The following LAMA4 variants were observed in gnomAD, a reference collection of about 807,000 sequenced individuals.
LAMA4 encodes the protein laminin subunit alpha 4, also known as laminin subunit alpha-4.
In LAMA4, 127 loss-of-function variants were observed where a neutral mutation model predicts 207.1. The observed-to-expected ratio is 0.61, with a 90% CI of 0.53 to 0.71. The LOEUF (loss-of-function observed/expected upper bound fraction) is 0.71, where lower values mean the gene tolerates loss of function less well. Ranked by LOEUF, LAMA4 falls within the 30% of genes least tolerant of loss-of-function variation. The pLI, the probability that LAMA4 is intolerant of heterozygous loss-of-function variation, is 0.00. For missense variants in LAMA4, 2,093 were observed against 2,246.5 expected (o/e 0.93, Z 1.38); for synonymous variants, 761 against 816.0 (o/e 0.93, Z 1.15).
At position 112,175,613 on chromosome 6, in the gene LAMA4, C is replaced by G. The variant is rs576469684; in HGVS notation, c.1190-133G>C. The G allele has an allele frequency of 1.7e-5, 15 of 867,594 alleles. No individual in the cohort carries two copies. The Admixed American group carries it at 2.3e-4, about 13-fold the overall frequency. The allele number at this position is 867,594 out of a possible 1,614,324, so 53.7% of individuals were successfully genotyped here. A position where few individuals can be genotyped will look rare whatever the true frequency, so the allele number is the denominator to read the frequency against. On this transcript the variant is annotated intron_variant, in intron 10 of 38. Transcript: ENST00000230538. ...GAAAGAGAGACTCATTCAAAAGCAGCGTGCTAGTGTTCATGCTGTGAATCC... is the reference window on the plus strand; with the variant it reads ...GAAAGAGAGACTCATTCAAAAGCAGGGTGCTAGTGTTCATGCTGTGAATCC...
intron 9 of LAMA4, among the ~76,000 whole-genome samples, chr6:112,182,134 A>G (rs1554345429): frequency 6.9e-6 from 1 of 144,922 alleles, no homozygotes; most frequent in Non-Finnish European, 1.5e-5. Flanking sequence ...ATAAATAAAT[A>G]TTATATACAG....
chr6:112,161,831 G>T (rs1300237320), intron 13 of LAMA4, among the ~76,000 whole-genome samples: 1 of 152,056 alleles, frequency 6.6e-6, no homozygotes, highest in Non-Finnish European at 1.5e-5. Flanking sequence ...AATAAGTATG[G>T]TATATTTGAA....
At chr6:112,186,977 G>T (rs1232442325) in intron 8 of LAMA4, 2 of 443,824 alleles carry the variant, frequency 4.5e-6, no homozygotes, top group Non-Finnish European at 4.5e-6. Flanking sequence ...GAGAGAGAAT[G>T]TGTGTAAATA....
intron 9 of LAMA4, among the ~76,000 whole-genome samples, chr6:112,181,388 G>A (rs1313064590): frequency 6.6e-6 from 1 of 152,166 alleles, no homozygotes; most frequent in African/African-American, 2.4e-5. Flanking sequence ...TCACGAGCGT[G>A]TTTGGGAAGG....
intron 18 of LAMA4, among the ~76,000 whole-genome samples, chr6:112,146,729 C>T (rs1780053445): frequency 6.6e-6 from 1 of 152,176 alleles, no homozygotes; most frequent in African/African-American, 2.4e-5. Context: ...CATCCCTTCT[C>T]TGTACTTAGG....
At chr6:112,181,207 C>T (rs1554345222) in intron 9 of LAMA4, among the ~76,000 whole-genome samples, 3 of 152,238 alleles carry the variant, frequency 2.0e-5, no homozygotes, top group Non-Finnish European at 4.4e-5. Context: ...CTGCTCTCTT[C>T]TCTAGACCAC....
At chr6:112,131,849 G>A (rs537696028) in intron 28 of LAMA4, among the ~76,000 whole-genome samples, 2 of 152,228 alleles carry the variant, frequency 1.3e-5, no homozygotes, top group South Asian at 4.1e-4. Flanking sequence ...CAGAAGTTAT[G>A]TGATGACCTG....
chr6:112,163,385 G>A lies in LAMA4; in HGVS notation c.1668+1775C>T, dbSNP rs1781190046. On this transcript the variant is annotated intron_variant, in intron 13 of 38. Coordinates refer to ENST00000230538, the MANE Select transcript of LAMA4 (RefSeq NM_001105206.3). ...AAAATAAGAGACAGTGGTTGTACGT[G>A]GCCTGCAGAGCCTAAAATATTGACC... Among the ~76,000 whole-genome samples the A allele has an allele frequency of 2.6e-5, 4 of 152,156 alleles. 1 individual carries two copies. The South Asian group carries it at 8.3e-4, about 32-fold the overall frequency.
chr6:112,231,114 A>G (rs781872639), intron 2 of LAMA4, among the ~76,000 whole-genome samples: 1 of 152,238 alleles, frequency 6.6e-6, no homozygotes, highest in Admixed American at 6.5e-5. Flanking sequence ...TTTCCCTGGA[A>G]TACCCGGGAT....
chr6:112,166,870 AT>A (rs1317574381), intron 12 of LAMA4, among the ~76,000 whole-genome samples: 4 of 152,240 alleles, frequency 2.6e-5, no homozygotes, highest in African/African-American at 7.2e-5. Context: ...ATGCAAAAAA[AT>A]AGAAAAAGTT....
intron 13 of LAMA4, chr6:112,161,963 G>C (rs2114812568): frequency 6.6e-6 from 1 of 152,348 alleles, no homozygotes; most frequent in Non-Finnish European, 1.5e-5. Context: ...AAATGAGCTT[G>C]TTTCTTACTT....
At chr6:112,178,999 C>A (rs1025877208) in intron 9 of LAMA4, 2 of 152,202 alleles carry the variant, frequency 1.3e-5, no homozygotes, top group Non-Finnish European at 2.9e-5. Context: ...AATTGAATTA[C>A]CACAGAGATT....
At chr6:112,186,118 C>A (rs1583829716) in intron 8 of LAMA4, among the ~76,000 whole-genome samples, 2 of 152,358 alleles carry the variant, frequency 1.3e-5, no homozygotes, top group East Asian at 1.9e-4. Flanking sequence ...ATTTGGCCAA[C>A]TGCTATGGAT....
At chr6:112,185,682 T>C (rs1270170780) in intron 8 of LAMA4, among the ~76,000 whole-genome samples, 2 of 152,230 alleles carry the variant, frequency 1.3e-5, no homozygotes, top group South Asian at 2.1e-4. Context: ...TTTAGAATTT[T>C]AATTTTGTTA....
intron 16 of LAMA4, chr6:112,154,648 TA>T: frequency 1.7e-6 from 1 of 583,364 alleles, no homozygotes; most frequent in Non-Finnish European, 3.0e-6. Context: ...TGTAGTTTAC[TA>T]CATAGCATTT....
intron 5 of LAMA4, among the ~76,000 whole-genome samples, chr6:112,193,694 G>A (rs1783250455): frequency 6.6e-6 from 1 of 152,132 alleles, no homozygotes; most frequent in African/African-American, 2.4e-5. Context: ...GGCCACACAG[G>A]CCTGGCATTC....
At chr6:112,134,634 C>T in intron 25 of LAMA4, 25 bp from the exon 26 acceptor site, 1 of 1,545,570 alleles carries the variant, frequency 6.5e-7, no homozygotes, top group Non-Finnish European at 8.9e-7. Context: ...ATATAGTAAG[C>T]CTTGATTAAC....
Position 112,115,988 on chromosome 6 carries a change from A to C in LAMA4, c.4987T>G (p.Ser1663Ala). ...TCAAACTTCAATCCAATATTGAAAGATTCATCTGTGGAGAGAAACACTATA... is the reference window on the plus strand; with the variant it reads ...TCAAACTTCAATCCAATATTGAAAGCTTCATCTGTGGAGAGAAACACTATA... ...TEGGYVVLDE[S>A]FNIGLKFEIA... is the part of the protein sequence containing the mutation. The change falls in exon 36 of 39, where the codon TCT (serine) becomes GCT (alanine). Residue 1663 changes from serine (S) to alanine (A), a missense_variant. By Grantham distance (99) the Ser-to-Ala change is moderately conservative. This residue lies in a region of LAMA4 where 383 missense variants were observed against 437.8 expected (regional missense o/e 0.87). Transcript: ENST00000230538. 6.2e-7 allele frequency: 1 copy of C among 1,612,784 alleles called. No homozygotes were observed. Among genetic ancestry groups the C allele is most frequent in the Non-Finnish European group, 8.5e-7 (1 of 1,179,056 alleles).
chr6:112,251,954 TATAG>T (rs1224119456), intron 2 of LAMA4, among the ~76,000 whole-genome samples: 2 of 152,192 alleles, frequency 1.3e-5, no homozygotes, highest in South Asian at 2.1e-4. Flanking sequence ...GCTGGAAGAA[TATAG>T]ATAAACAGAT....
Sources: gnomAD v4.1 joint callset for allele counts (sites outside exome capture counted in the v4.1 genomes callset) on GRCh38, gnomAD v4.1.1 for gene constraint, gnomAD v4.1.1 regional missense constraint, MANE v1.5 for transcripts, NCBI Gene and HGNC (gene_info 2026-07-23, HGNC 2026-07-21) for gene names.